The following SORL1 variants were observed in gnomAD, a reference collection of about 807,000 sequenced individuals.
The protein encoded by SORL1 is sortilin related receptor 1.
A neutral mutation model predicts 273.7 loss-of-function variants in SORL1; 127 were observed. The ratio of observed to expected loss-of-function variants is 0.46; its 90% CI spans 0.40 to 0.54. The LOEUF (loss-of-function observed/expected upper bound fraction) is 0.54. Among genes scored for constraint, SORL1 ranks in the 20% least tolerant of loss-of-function variants. The pLI is 0.00. For missense variants in SORL1, 2,494 were observed against 2,846.1 expected (o/e 0.88, Z 2.81); for synonymous variants, 1,031 against 1,067.4 (o/e 0.97, Z 0.66).
At chr11:121,570,841 A>G (rs923870197) in intron 23 of SORL1, among the ~76,000 whole-genome samples, 3 of 152,358 alleles carry the variant, frequency 2.0e-5, no homozygotes, top group Non-Finnish European at 2.9e-5. Flanking sequence ...TCTGACTTCT[A>G]AAGTATAAGA....
At chr11:121,477,759 G>A (rs1861297662) in intron 2 of SORL1, among the ~76,000 whole-genome samples, 1 of 152,164 alleles carries the variant, frequency 6.6e-6, no homozygotes. Flanking sequence ...CTTGGGCTCG[G>A]TGGCTCATGC....
At chr11:121,548,963 T>G (rs1258049378) in intron 14 of SORL1, among the ~76,000 whole-genome samples, 1 of 152,238 alleles carries the variant, frequency 6.6e-6, no homozygotes, top group Admixed American at 6.5e-5. Context: ...TTGAATATAT[T>G]CTGTAATTCA....
intron 3 of SORL1, among the ~76,000 whole-genome samples, chr11:121,481,950 C>G (rs1377064969): frequency 1.3e-5 from 2 of 150,710 alleles, no homozygotes; most frequent in African/African-American, 2.4e-5. Context: ...CTCCTCCTCC[C>G]GAGCTCCTCC....
In SORL1 at chr11:121,605,410, G is replaced by A; in HGVS notation, c.4787G>A (p.Gly1596Glu). The change falls in exon 35 of 48, where the codon GGA becomes GAA. Residue 1596 changes from glycine (G) to glutamate (E), a missense_variant. Physicochemically the swap from Gly to Glu is moderately conservative, Grantham distance 98. Transcript: ENST00000260197. Reference sequence around the variant, plus strand: ...ATTTTTTTTTGGGCCAGGGTGGTTGGAGAGAGCATATGGAAGACTCTGGAG... The same window carrying A: ...ATTTTTTTTTGGGCCAGGGTGGTTGAAGAGAGCATATGGAAGACTCTGGAG... ...CVYNVYYRVV[G>E]ESIWKTLETH... The A allele has an allele frequency of 6.2e-7, 1 of 1,610,360 alleles. No individual in the cohort carries two copies. Among genetic ancestry groups the A allele is most frequent in the East Asian group, 2.2e-5 (1 of 44,740 alleles).
At position 121,619,925 on chromosome 11, in the gene SORL1, G is replaced by C; in HGVS notation, c.5889+8G>C. 6.2e-7 allele frequency: 1 copy of C among 1,611,644 alleles called. No homozygotes were observed. Among genetic ancestry groups the C allele is most frequent in the South Asian group, 1.1e-5 (1 of 91,002 alleles). ...TCTCCTGACCAGGACTTGGTGAGTG[G>C]GTTGGGCTTCCAGGCCTCTTTGTTT... On this transcript the variant is annotated splice_region_variant and intron_variant, in intron 43 of 47. Transcript: ENST00000260197.
chr11:121,455,001 G>A (rs1860879818), intron 1 of SORL1, among the ~76,000 whole-genome samples: 3 of 152,152 alleles, frequency 2.0e-5, no homozygotes, highest in Admixed American at 1.3e-4. Context: ...CTTAAGCCAA[G>A]TTCCACTTTG....
At chr11:121,577,208 G>A in intron 24 of SORL1, 73 bp from the exon 25 acceptor site, 7 of 1,525,196 alleles carry the variant, frequency 4.6e-6, no homozygotes, top group Non-Finnish European at 6.2e-6. Flanking sequence ...TCCTTTATGA[G>A]AGCTTTGACA....
At chr11:121,456,208 C>T (rs935604190) in intron 1 of SORL1, among the ~76,000 whole-genome samples, 6 of 152,192 alleles carry the variant, frequency 3.9e-5, no homozygotes, top group Admixed American at 6.5e-5. Flanking sequence ...CATTCTTTAA[C>T]ATCCAAGGAA....
chr11:121,469,473 C>A (rs1243962663), intron 1 of SORL1, among the ~76,000 whole-genome samples: 1 of 152,188 alleles, frequency 6.6e-6, no homozygotes, highest in Non-Finnish European at 1.5e-5. Context: ...TTATTTGAGA[C>A]CTTTCAAAAA....
intron 26 of SORL1, 66 bp from the exon 27 acceptor site, chr11:121,586,156 C>A: frequency 7.7e-7 from 1 of 1,297,720 alleles, no homozygotes; most frequent in Non-Finnish European, 1.1e-6. Flanking sequence ...CTCCCGCCAG[C>A]ACTGTGTGTG....
intron 47 of SORL1, chr11:121,628,718 G>C (rs1434917825): frequency 6.6e-6 from 1 of 152,194 alleles, no homozygotes; most frequent in Non-Finnish European, 1.5e-5. Flanking sequence ...GTGTTACGAG[G>C]CTTCCCCAAA....
intron 18 of SORL1, among the ~76,000 whole-genome samples, chr11:121,556,154 C>T (rs548217604): frequency 3.5e-4 from 54 of 152,330 alleles, no homozygotes; most frequent in Admixed American, 5.9e-4. Flanking sequence ...AACCATTTGA[C>T]AGGGGTTCTC....
chr11:121,594,785 A>T (rs565301992), intron 31 of SORL1, among the ~76,000 whole-genome samples: 3 of 152,270 alleles, frequency 2.0e-5, no homozygotes, highest in East Asian at 3.9e-4. Context: ...TGGGGACTAA[A>T]GTGCTGGTAA....
At chr11:121,560,267 G>T (rs1862651046) in intron 21 of SORL1, among the ~76,000 whole-genome samples, 1 of 152,232 alleles carries the variant, frequency 6.6e-6, no homozygotes, top group Non-Finnish European at 1.5e-5. Context: ...AAGAATAAGG[G>T]ATGAAAAGGG....
At chr11:121,578,145 G>T (rs931554770) in intron 25 of SORL1, among the ~76,000 whole-genome samples, 3 of 152,152 alleles carry the variant, frequency 2.0e-5, no homozygotes, top group African/African-American at 7.2e-5. Flanking sequence ...GAGTAAATTT[G>T]CTCTACAGCC....
chr11:121,557,261 G>T lies in SORL1; in HGVS notation c.2572-53G>T, dbSNP rs935963416. 7 of 1,284,800 alleles carry T rather than the reference G, an allele frequency of 5.4e-6. No homozygotes were observed. In the African/African-American group the frequency reaches 7.3e-5, roughly 13 times the overall value. 79.6% of individuals were successfully genotyped at this position (1,284,800 alleles called of 1,614,324 possible). A position where few individuals can be genotyped will look rare whatever the true frequency, so the allele number is the denominator to read the frequency against. ...TGAGTAGCCATCTTTGGCAATGGGG[G>T]TCTTTAAGGAGCTCCGATCCATCTC... On this transcript the variant is annotated intron_variant, in intron 18 of 47. Transcript: ENST00000260197.
At position 121,558,125 on chromosome 11, in the gene SORL1, T is replaced by C. The variant is rs139011337; in HGVS notation, c.2664-466T>C. On this transcript the variant is annotated intron_variant, in intron 19 of 47. Coordinates refer to ENST00000260197, the MANE Select transcript of SORL1 (RefSeq NM_003105.6). ...TATCTTTCATGATTGCTTTTACTTA[T>C]GTACAAGTATTATCTTTAAAACACA... 3.6e-3 allele frequency among the ~76,000 whole-genome samples: 555 copies of C among 152,364 alleles called. 4 individuals are homozygous for C. The highest frequency in any genetic ancestry group is 0.014 in the Middle Eastern group (4 of 294).
At chr11:121,455,763 C>T (rs969413499) in intron 1 of SORL1, among the ~76,000 whole-genome samples, 8 of 152,186 alleles carry the variant, frequency 5.3e-5, no homozygotes, top group African/African-American at 1.9e-4. Flanking sequence ...GAGGCCGAGG[C>T]GGGTGGATCA....
At position 121,490,242 on chromosome 11, in the gene SORL1, G is replaced by A. The variant is rs1024971523; in HGVS notation, c.758+132G>A. On this transcript the variant is annotated intron_variant, in intron 5 of 47. Coordinates refer to ENST00000260197, the MANE Select transcript of SORL1 (RefSeq NM_003105.6). ...TCAGGAAATACATTTTTCCAGATCTGAGAATTAGAGCTGCAAGTACAATGA... is the reference window on the plus strand; with the variant it reads ...TCAGGAAATACATTTTTCCAGATCTAAGAATTAGAGCTGCAAGTACAATGA... 13 of 662,242 alleles carry A rather than the reference G, an allele frequency of 2.0e-5. No individual in the cohort carries two copies. In the African/African-American group the frequency reaches 2.3e-4, roughly 12 times the overall value. The allele number at this position is 662,242 out of a possible 1,614,324, so 41.0% of individuals were successfully genotyped here.
Sources: gnomAD v4.1 joint callset for allele counts (sites outside exome capture counted in the v4.1 genomes callset) on GRCh38, gnomAD v4.1.1 for gene constraint, MANE v1.5 for transcripts, NCBI Gene and HGNC (gene_info 2026-07-23, HGNC 2026-07-21) for gene names.